RPS6KC1: variants seen among roughly 807,000 people sequenced by gnomAD.
RPS6KC1 encodes ribosomal protein S6 kinase C1.
RPS6KC1 carries 54 observed loss-of-function variants against 103.8 expected under a neutral mutation model. The ratio of observed to expected loss-of-function variants is 0.52; its 90% CI spans 0.42 to 0.65. RPS6KC1 has a LOEUF of 0.65. RPS6KC1 is among the 30% of genes least tolerant of loss of function. The pLI is 0.00. For missense variants in RPS6KC1, 1,151 were observed against 1,253.8 expected, an observed-to-expected ratio of 0.92 and a Z score of 1.24; for synonymous variants, 439 against 438.7, an observed-to-expected ratio of 1.00 and a Z score of -0.01.
chr1:213,087,276 C>T (rs1284029610), intron 3 of RPS6KC1, among the ~76,000 whole-genome samples: 2 of 152,126 alleles, frequency 1.3e-5, no homozygotes, highest in Non-Finnish European at 2.9e-5. Flanking sequence ...TATATAAATA[C>T]CTATGTCTAT....
chr1:213,590,489 C>T, the RPS6KC1 span, among the ~76,000 whole-genome samples: 62 of 152,218 alleles, frequency 4.1e-4, no homozygotes, highest in South Asian at 1.2e-3. Context: ...AGAGACGGGA[C>T]AGAAGTGGTT....
chr1:213,649,730 G>C, the RPS6KC1 span, among the ~76,000 whole-genome samples: 1 of 152,128 alleles, frequency 6.6e-6, no homozygotes, highest in African/African-American at 2.4e-5. Context: ...TCGAGAGCTA[G>C]GACTGTGTCT....
the RPS6KC1 span, among the ~76,000 whole-genome samples, chr1:213,662,839 G>A: frequency 6.6e-6 from 1 of 152,180 alleles, no homozygotes; most frequent in Admixed American, 6.5e-5. Flanking sequence ...TCAAATCTTT[G>A]CTTTCAATCC....
chr1:213,089,891 A>G (rs773711362), intron 3 of RPS6KC1, among the ~76,000 whole-genome samples: 2 of 152,238 alleles, frequency 1.3e-5, no homozygotes, highest in Non-Finnish European at 2.9e-5. Flanking sequence ...CTGAAGATAC[A>G]TTCATAAGAC....
rs2076940324 is a variant in RPS6KC1 at position 213,051,476 on chromosome 1, G to A, written c.72G>A (p.Pro24=). ...CTGTCACCGAGCCCCAGCGACACCC[G>A]AGGGGCTACACAGTATATAAGGTCA... is the stretch of plus-strand genomic sequence containing the variant. The part of the protein sequence containing the change: ...FYTVTEPQRH[P]RGYTVYKVTA... Residue 24 remains proline, a synonymous_variant, in exon 1 of 15, where the codon CCG becomes CCA. Coordinates refer to ENST00000366960, the MANE Select transcript of RPS6KC1 (RefSeq NM_012424.6). The A allele has an allele frequency of 6.2e-7, 1 of 1,613,422 alleles. No homozygotes were observed. The highest frequency in any genetic ancestry group is 8.5e-7 in the Non-Finnish European group (1 of 1,179,714).
the RPS6KC1 span, among the ~76,000 whole-genome samples, chr1:213,368,017 C>T: frequency 1.3e-5 from 2 of 152,250 alleles, no homozygotes; most frequent in South Asian, 2.1e-4. Context: ...GAGCTAGGAA[C>T]TGAGGGGTTA....
chr1:213,204,366 T>A (rs748807487), intron 8 of RPS6KC1, among the ~76,000 whole-genome samples: 4 of 152,244 alleles, frequency 2.6e-5, no homozygotes, highest in African/African-American at 4.8e-5. Flanking sequence ...CCTTTATGGT[T>A]TGCCTTTGAT....
the RPS6KC1 span, among the ~76,000 whole-genome samples, chr1:213,810,701 A>G: frequency 7.2e-5 from 11 of 152,232 alleles, no homozygotes; most frequent in African/African-American, 2.7e-4. Flanking sequence ...CAACACCAGT[A>G]TCACCACTGC....
the RPS6KC1 span, among the ~76,000 whole-genome samples, chr1:213,619,963 T>A: frequency 9.2e-5 from 14 of 152,356 alleles, 1 homozygote; most frequent in East Asian, 2.7e-3. Context: ...TCATTAATTT[T>A]TAGATGTAGT....
chr1:213,844,780 G>T, the RPS6KC1 span, among the ~76,000 whole-genome samples: 1 of 152,072 alleles, frequency 6.6e-6, no homozygotes, highest in Non-Finnish European at 1.5e-5. Flanking sequence ...CTATAAATAC[G>T]CTGGAGTTTC....
chr1:213,585,134 C>T, the RPS6KC1 span, among the ~76,000 whole-genome samples: 1 of 152,134 alleles, frequency 6.6e-6, no homozygotes, highest in African/African-American at 2.4e-5. Flanking sequence ...TTCATTTACC[C>T]TCCTTAATTT....
the RPS6KC1 span, among the ~76,000 whole-genome samples, chr1:213,369,814 C>T: frequency 1.3e-5 from 2 of 152,326 alleles, no homozygotes; most frequent in South Asian, 2.1e-4. Context: ...TCGACCTGGT[C>T]GACCCAGGGA....
the RPS6KC1 span, among the ~76,000 whole-genome samples, chr1:213,579,850 C>T: frequency 2.6e-5 from 4 of 152,124 alleles, no homozygotes; most frequent in South Asian, 2.1e-4. Flanking sequence ...AGTCTACGTT[C>T]GAGAATTACT....
the RPS6KC1 span, among the ~76,000 whole-genome samples, chr1:213,653,676 G>T: frequency 6.6e-6 from 1 of 152,146 alleles, no homozygotes; most frequent in Non-Finnish European, 1.5e-5. Context: ...CCCCTAGATT[G>T]TAAACTCTGA....
chr1:213,256,162 G>A (rs2094638785), intron 12 of RPS6KC1, among the ~76,000 whole-genome samples: 1 of 152,192 alleles, frequency 6.6e-6, no homozygotes, highest in African/African-American at 2.4e-5. Context: ...CCTTAGATGG[G>A]ACCAGCAGTG....
At chr1:213,260,884 A>AT in intron 12 of RPS6KC1, among the ~76,000 whole-genome samples, 1 of 152,320 alleles carries the variant, frequency 6.6e-6, no homozygotes, top group South Asian at 2.1e-4. Context: ...GATAACACAG[A>AT]TAAAAGTGTA....
At chr1:213,136,065 A>G (rs2086235288) in intron 6 of RPS6KC1, among the ~76,000 whole-genome samples, 1 of 152,212 alleles carries the variant, frequency 6.6e-6, no homozygotes, top group Admixed American at 6.5e-5. Context: ...ATATAGCTCA[A>G]TTCAGGTGTT....
At chr1:213,757,477 C>G in the RPS6KC1 span, among the ~76,000 whole-genome samples, 1 of 152,202 alleles carries the variant, frequency 6.6e-6, no homozygotes, top group African/African-American at 2.4e-5. Context: ...CTCTAATGCT[C>G]TTCAATTCGA....
chr1:213,159,484 A>G (rs963975221), intron 6 of RPS6KC1, among the ~76,000 whole-genome samples: 1 of 152,248 alleles, frequency 6.6e-6, no homozygotes, highest in Non-Finnish European at 1.5e-5. Context: ...TGCAACAAAC[A>G]CATCATCATT....
Sources: allele counts gnomAD v4.1 joint callset (sites outside exome capture counted in the v4.1 genomes callset), GRCh38; gene constraint gnomAD v4.1.1; transcripts MANE v1.5; gene names NCBI Gene and HGNC (gene_info 2026-07-23, HGNC 2026-07-21).